The following GRID1 variants were observed in gnomAD, a reference collection of about 807,000 sequenced individuals.
The protein encoded by GRID1 is glutamate ionotropic receptor delta type subunit 1.
GRID1 carries 28 observed loss-of-function variants against 98.0 expected under a neutral mutation model. The observed-to-expected ratio is 0.29, with a 90% CI of 0.21 to 0.39. GRID1 has a LOEUF of 0.39. Among genes scored for constraint, GRID1 ranks in the 10% least tolerant of loss-of-function variants. The probability of loss-of-function intolerance (pLI) is 1.00; values close to 1 mark genes in which losing one functional copy is unlikely to be tolerated. For synonymous variants in GRID1, 553 were observed against 538.5 expected, an observed-to-expected ratio of 1.03 and a Z score of -0.37; for missense variants, 1,111 against 1,340.5, an observed-to-expected ratio of 0.83 and a Z score of 2.67.
Position 85,601,557 on chromosome 10 carries a change from T to G in GRID1, c.*716A>C, listed in dbSNP as rs889600155. The G allele has an allele frequency of 2.0e-5, 3 of 152,226 alleles. No individual in the cohort carries two copies. Among genetic ancestry groups the G allele is most frequent in the African/African-American group, 4.8e-5 (2 of 41,444 alleles). The allele number at this position is 152,226 out of a possible 1,614,324, so 9.4% of individuals were successfully genotyped here. A position where few individuals can be genotyped will look rare whatever the true frequency, so the allele number is the denominator to read the frequency against. The stretch of plus-strand genomic sequence containing the variant: ...AGTATGATATGAGAACAGCTCAGTA[T>G]CAAAGCCCTCAATTACCTCACTATG... On this transcript the variant is annotated 3_prime_UTR_variant, in exon 16 of 16. Coordinates refer to ENST00000327946, the MANE Select transcript of GRID1 (RefSeq NM_017551.3).
chr10:85,839,884 G>C (rs1471302385), intron 8 of GRID1, among the ~76,000 whole-genome samples: 1 of 151,994 alleles, frequency 6.6e-6, no homozygotes, highest in Non-Finnish European at 1.5e-5. Flanking sequence ...AGAAAACAGA[G>C]AAAATTCAAA....
chr10:85,715,131 A>T (rs1841624177), intron 12 of GRID1, among the ~76,000 whole-genome samples: 1 of 152,198 alleles, frequency 6.6e-6, no homozygotes, highest in South Asian at 2.1e-4. Flanking sequence ...AGAACACACA[A>T]TGGGGAAGAC....
intron 4 of GRID1, among the ~76,000 whole-genome samples, chr10:86,128,955 C>A (rs144242154): frequency 6.6e-6 from 1 of 152,198 alleles, no homozygotes; most frequent in African/African-American, 2.4e-5. Flanking sequence ...AGTATTGACT[C>A]CATTGAGCAG....
intron 4 of GRID1, among the ~76,000 whole-genome samples, chr10:86,019,602 A>C (rs923955595): frequency 2.6e-5 from 4 of 152,218 alleles, no homozygotes; most frequent in Non-Finnish European, 4.4e-5. Flanking sequence ...TTGTCCATTT[A>C]ATCCTCCCAG....
At chr10:85,871,435 C>G (rs972148950) in intron 5 of GRID1, among the ~76,000 whole-genome samples, 6 of 152,170 alleles carry the variant, frequency 3.9e-5, no homozygotes, top group Non-Finnish European at 7.3e-5. Flanking sequence ...TATAAGCCAA[C>G]AATTTCAGTG....
intron 4 of GRID1, among the ~76,000 whole-genome samples, chr10:86,107,587 T>G (rs1488800745): frequency 6.6e-6 from 1 of 152,158 alleles, no homozygotes. Flanking sequence ...CAGGCATTTT[T>G]GTTTTCCTGC....
intron 2 of GRID1, among the ~76,000 whole-genome samples, chr10:86,351,741 G>A (rs573953358): frequency 6.6e-6 from 1 of 152,350 alleles, no homozygotes; most frequent in East Asian, 1.9e-4. Flanking sequence ...AACATCAGCA[G>A]AGCATCCAGA....
At chr10:85,693,201 G>T (rs547955300) in intron 12 of GRID1, among the ~76,000 whole-genome samples, 2 of 152,272 alleles carry the variant, frequency 1.3e-5, no homozygotes, top group South Asian at 4.1e-4. Context: ...GAGATTTAGG[G>T]GGTAGAATGG....
intron 3 of GRID1, among the ~76,000 whole-genome samples, chr10:86,173,395 A>G (rs1290924522): frequency 6.6e-6 from 1 of 152,074 alleles, no homozygotes; most frequent in African/African-American, 2.4e-5. Context: ...AAGTAAACAA[A>G]CCCTTACTAT....
chr10:85,958,964 A>C (rs1425891260), intron 4 of GRID1, among the ~76,000 whole-genome samples: 1 of 151,570 alleles, frequency 6.6e-6, no homozygotes, highest in Non-Finnish European at 1.5e-5. Flanking sequence ...TCTCAAAAAA[A>C]AAAAAAAAGA....
chr10:86,059,035 G>T (rs1297527297), intron 4 of GRID1, among the ~76,000 whole-genome samples: 1 of 152,208 alleles, frequency 6.6e-6, no homozygotes, highest in Admixed American at 6.5e-5. Context: ...ACCAGAGATG[G>T]ATATGAGCTC....
chr10:86,159,918 C>T (rs1845296747), intron 3 of GRID1, among the ~76,000 whole-genome samples: 1 of 152,154 alleles, frequency 6.6e-6, no homozygotes, highest in African/African-American at 2.4e-5. Flanking sequence ...AAGAGCTGAA[C>T]TAGCTCTATC....
chr10:86,031,416 G>T (rs1251373872), intron 4 of GRID1, among the ~76,000 whole-genome samples: 1 of 152,082 alleles, frequency 6.6e-6, no homozygotes, highest in Admixed American at 6.5e-5. Flanking sequence ...AAAAGGGGGG[G>T]CAGGAGGAGG....
chr10:85,602,282 G>C lies in GRID1; in HGVS notation c.3021C>G (p.Thr1007=), dbSNP rs776192664. ...LPEALDTSHG[T]SI is the part of the protein sequence containing the mutation. Reference sequence around the variant, plus strand: ...AGGGCAGGCGGCGCAGTCAGATGGAGGTCCCGTGGGAGGTGTCCAGAGCCT... The same window carrying C: ...AGGGCAGGCGGCGCAGTCAGATGGACGTCCCGTGGGAGGTGTCCAGAGCCT... The change falls in exon 16 of 16, where the codon ACC becomes ACG. Residue 1007 remains threonine, a synonymous_variant. Transcript: ENST00000327946. The C allele has an allele frequency of 6.6e-7, 1 of 1,512,270 alleles. No homozygotes were observed. The allele number at this position is 1,512,270 out of a possible 1,614,324, so 93.7% of individuals were successfully genotyped here.
rs74902506 is a variant in GRID1, at chr10:86,306,482, G to A, written c.235+57459C>T. ...CTTCCAAATCCCAGGGACAGACAGG[G>A]GAAACTATCTAGAAATTTCCAAGTA... On this transcript the variant is annotated intron_variant, in intron 2 of 15. Transcript: ENST00000327946. Among the ~76,000 whole-genome samples the A allele has an allele frequency of 4.0e-3, 603 of 152,300 alleles. 4 individuals are homozygous for A. The highest frequency in any genetic ancestry group is 0.014 in the African/African-American group (586 of 41,548).
At chr10:85,943,018 A>T (rs1842014091) in intron 4 of GRID1, among the ~76,000 whole-genome samples, 1 of 152,230 alleles carries the variant, frequency 6.6e-6, no homozygotes, top group Non-Finnish European at 1.5e-5. Context: ...AAACTATTCT[A>T]TTATTCCATT....
intron 3 of GRID1, among the ~76,000 whole-genome samples, chr10:86,190,283 T>C (rs964252426): frequency 6.6e-6 from 1 of 152,204 alleles, no homozygotes; most frequent in Non-Finnish European, 1.5e-5. Flanking sequence ...GACTGATTTC[T>C]AGTCACTGAA....
At chr10:85,632,163 T>G (rs950368236) in intron 13 of GRID1, among the ~76,000 whole-genome samples, 2 of 152,204 alleles carry the variant, frequency 1.3e-5, no homozygotes, top group Non-Finnish European at 2.9e-5. Context: ...ACCTTGGTCT[T>G]GGCTTGACTG....
chr10:86,226,331 C>T (rs1589417778), intron 2 of GRID1, among the ~76,000 whole-genome samples: 1 of 142,168 alleles, frequency 7.0e-6, no homozygotes, highest in African/African-American at 2.7e-5. Flanking sequence ...ACCCTCCCAC[C>T]CCAGCATACC....
Sources: allele counts gnomAD v4.1 joint callset (sites outside exome capture counted in the v4.1 genomes callset), GRCh38; gene constraint gnomAD v4.1.1; transcripts MANE v1.5; gene names NCBI Gene and HGNC (gene_info 2026-07-23, HGNC 2026-07-21).